The following TJP1 variants were observed in gnomAD, a reference collection of about 807,000 sequenced individuals.
TJP1 encodes the protein tight junction protein ZO-1.
In TJP1, 43 loss-of-function variants were observed where a neutral mutation model predicts 194.2. The observed-to-expected ratio is 0.22, with a 90% CI of 0.17 to 0.29. The LOEUF (loss-of-function observed/expected upper bound fraction) is 0.29. Ranked by LOEUF, TJP1 falls within the 10% of genes least tolerant of loss-of-function variation. TJP1 has a pLI of 1.00. For synonymous variants in TJP1, 801 were observed against 779.0 expected (o/e 1.03, Z -0.47); for missense variants, 1,971 against 2,185.7 (o/e 0.90, Z 1.96).
rs543312750 is a variant in TJP1 at position 29,725,578 on chromosome 15, A to T, written c.2412+801T>A. On this transcript the variant is annotated intron_variant, in intron 18 of 27. Transcript: ENST00000614355. Reference sequence around the variant, plus strand: ...GATCTGAAAAAGGTAAAAGACATTTAAAAAAAAAAAGCTTCCCTCAATGGT... The same window carrying T: ...GATCTGAAAAAGGTAAAAGACATTTTAAAAAAAAAAGCTTCCCTCAATGGT... Among the ~76,000 whole-genome samples, 638 of 147,126 alleles carry T rather than the reference A, an allele frequency of 4.3e-3. 4 individuals carry two copies. The highest frequency in any genetic ancestry group is 7.3e-3 in the South Asian group (34 of 4,626).
chr15:29,862,709 G>A (rs1341279115), intron 2 of TJP1, among the ~76,000 whole-genome samples: 1 of 147,104 alleles, frequency 6.8e-6, no homozygotes, highest in Non-Finnish European at 1.5e-5. Context: ...GTGCAGTGGT[G>A]CGATCTTGGC....
At chr15:29,705,779 CTAA>C (rs1486032048) in intron 25 of TJP1, 34 bp from the exon 26 acceptor site, 3 of 1,586,496 alleles carry the variant, frequency 1.9e-6, no homozygotes, top group South Asian at 1.1e-5. Context: ...GAGTGAATTC[CTAA>C]TAATACACAG....
At chr15:29,816,272 G>A (rs1567087297) in intron 1 of TJP1, among the ~76,000 whole-genome samples, 2 of 152,062 alleles carry the variant, frequency 1.3e-5, no homozygotes, top group Admixed American at 6.6e-5. Context: ...CAGGTGATAT[G>A]CCCGCCTCAG....
intron 10 of TJP1, among the ~76,000 whole-genome samples, chr15:29,740,324 G>A (rs1270858739): frequency 6.6e-6 from 1 of 151,964 alleles, no homozygotes; most frequent in African/African-American, 2.4e-5. Flanking sequence ...CTTTACCAGT[G>A]CCAATAAAAA....
intron 2 of TJP1, among the ~76,000 whole-genome samples, chr15:29,848,140 CT>C (rs1444853378): frequency 1.3e-5 from 2 of 150,748 alleles, no homozygotes; most frequent in Admixed American, 6.6e-5. Flanking sequence ...CAAATATGGT[CT>C]TTCTTGGTGA....
chr15:29,900,543 T>C (rs60076290), intron 2 of TJP1, among the ~76,000 whole-genome samples: 2 of 152,126 alleles, frequency 1.3e-5, no homozygotes, highest in Admixed American at 6.5e-5. Flanking sequence ...GTGCAGCCTC[T>C]GCAGAGTTTG....
At chr15:29,952,826 G>A (rs1437838174) in intron 2 of TJP1, among the ~76,000 whole-genome samples, 3 of 152,058 alleles carry the variant, frequency 2.0e-5, no homozygotes, top group Non-Finnish European at 4.4e-5. Context: ...AAAATAGTGT[G>A]TAAAGTTTTC....
At chr15:29,767,671 T>C (rs145216904) in intron 4 of TJP1, among the ~76,000 whole-genome samples, 6 of 152,314 alleles carry the variant, frequency 3.9e-5, no homozygotes, top group African/African-American at 1.2e-4. Flanking sequence ...AATTCGCTAA[T>C]GTAGGTATTC....
intron 8 of TJP1, among the ~76,000 whole-genome samples, chr15:29,749,413 C>T (rs1445059700): frequency 6.6e-6 from 1 of 152,124 alleles, no homozygotes; most frequent in Non-Finnish European, 1.5e-5. Flanking sequence ...CATGCTGTTT[C>T]AAGTAAAAAA....
chr15:29,773,846 A>AT (rs1490879371), intron 2 of TJP1, among the ~76,000 whole-genome samples: 6 of 152,240 alleles, frequency 3.9e-5, no homozygotes, highest in African/African-American at 1.4e-4. Flanking sequence ...TCTCTGTAGA[A>AT]TATAATGCCT....
Position 29,928,739 on chromosome 15 carries a change from C to G in TJP1, c.306+27493G>C, listed in dbSNP as rs372755964. Among the ~76,000 whole-genome samples the G allele has an allele frequency of 2.2e-3, 340 of 152,118 alleles. 3 individuals carry two copies. Among genetic ancestry groups the G allele is most frequent in the African/African-American group, 7.9e-3 (329 of 41,502 alleles). ...CGGGCAGATCACGAGGTCAGGAGAT[C>G]GAGACCATCCTGGCTAACACGGTGA... On this transcript the variant is annotated intron_variant, in intron 2 of 28. Coordinates refer to the TJP1 transcript ENST00000356107.
downstream of TJP1, chr15:29,700,022 C>T: frequency 3.0e-6 from 1 of 334,200 alleles, no homozygotes; most frequent in South Asian, 1.6e-4. Context: ...GGGAGAAATT[C>T]TGCATGCAAC....
chr15:29,783,219 A>G (rs999559492), intron 2 of TJP1, among the ~76,000 whole-genome samples: 4 of 152,210 alleles, frequency 2.6e-5, no homozygotes, highest in Non-Finnish European at 5.9e-5. Context: ...GGTTGCAGTG[A>G]GCCAAGATTG....
At chr15:29,764,297 G>A (rs985947848) in intron 5 of TJP1, among the ~76,000 whole-genome samples, 2 of 152,178 alleles carry the variant, frequency 1.3e-5, no homozygotes, top group Admixed American at 6.5e-5. Flanking sequence ...GTATGTTTGT[G>A]GGGGAGGGGA....
At chr15:29,812,345 A>AAAGATAT (rs1406265330) in intron 1 of TJP1, among the ~76,000 whole-genome samples, 1 of 152,244 alleles carries the variant, frequency 6.6e-6, no homozygotes, top group Non-Finnish European at 1.5e-5. Context: ...TTCACAATAA[A>AAAGATAT]AAGATATAAA....
intron 2 of TJP1, among the ~76,000 whole-genome samples, chr15:29,949,326 C>CCAG (rs2055443668): frequency 7.9e-6 from 1 of 126,546 alleles, no homozygotes; most frequent in South Asian, 2.7e-4. Context: ...TTCACCACCA[C>CCAG]TACCTCCACC....
At chr15:29,829,047 G>A (rs2050757811) in intron 2 of TJP1, among the ~76,000 whole-genome samples, 3 of 152,086 alleles carry the variant, frequency 2.0e-5, no homozygotes, top group African/African-American at 4.8e-5. Context: ...CCACCATGCC[G>A]GGCCCCAATT....
At position 29,822,430 on chromosome 15, in the gene TJP1, G is replaced by A. The variant is rs1279021716; in HGVS notation, c.-402C>T. The A allele has an allele frequency of 4.0e-6, 4 of 989,328 alleles. No individual in the cohort carries two copies. Among genetic ancestry groups the A allele is most frequent in the Admixed American group, 6.1e-5 (1 of 16,380 alleles). The allele number at this position is 989,328 out of a possible 1,614,324, so 61.3% of individuals were successfully genotyped here. ...ACCGGCGGCCGCCAAGGAACGCGGCGTCCGCTGGCTCAGCCGGCGCCGGCA... is the reference window on the plus strand; with the variant it reads ...ACCGGCGGCCGCCAAGGAACGCGGCATCCGCTGGCTCAGCCGGCGCCGGCA... On this transcript the variant is annotated 5_prime_UTR_variant, in exon 1 of 28. In the 5' UTR this introduces an upstream ATG that the reference lacks. Transcript: ENST00000614355.
intron 2 of TJP1, among the ~76,000 whole-genome samples, chr15:29,841,768 A>AT (rs1426232609): frequency 6.6e-6 from 1 of 150,614 alleles, no homozygotes; most frequent in Non-Finnish European, 1.5e-5. Flanking sequence ...TTTTAGTAAC[A>AT]TTTATCATAA....
Sources: allele counts gnomAD v4.1 joint callset (sites outside exome capture counted in the v4.1 genomes callset), GRCh38; gene constraint gnomAD v4.1.1; transcripts MANE v1.5; gene names NCBI Gene and HGNC (gene_info 2026-07-23, HGNC 2026-07-21).